Variants in STAT5B observed in about 807,000 individuals in gnomAD.
STAT5B encodes signal transducer and activator of transcription 5B, also known as transcription factor STAT5B.
In STAT5B, 21 loss-of-function variants were observed where a neutral mutation model predicts 107.8. The observed-to-expected ratio is 0.19, with a 90% CI of 0.14 to 0.28. The LOEUF (loss-of-function observed/expected upper bound fraction) is 0.28, where lower values mean the gene tolerates loss of function less well. Ranked by LOEUF, STAT5B falls within the 10% of genes least tolerant of loss-of-function variation. STAT5B has a pLI of 1.00. For synonymous variants in STAT5B, 325 were observed against 401.7 expected (o/e 0.81, Z 2.28); for missense variants, 565 against 1,008.2 (o/e 0.56, Z 5.95).
intron 1 of STAT5B, among the ~76,000 whole-genome samples, chr17:42,240,999 A>G (rs900567495): frequency 3.9e-5 from 6 of 152,162 alleles, no homozygotes; most frequent in Non-Finnish European, 8.8e-5. Flanking sequence ...AAAACTGTTA[A>G]ACCTATCAGC....
upstream of STAT5B, among the ~76,000 whole-genome samples, chr17:42,279,748 C>T (rs2080788059): frequency 6.6e-6 from 1 of 151,502 alleles, no homozygotes; most frequent in Non-Finnish European, 1.5e-5. Context: ...TTGCGGTGAG[C>T]CAAAATCACA....
chr17:42,226,879 C>T (rs1415309532), intron 3 of STAT5B, among the ~76,000 whole-genome samples: 1 of 148,558 alleles, frequency 6.7e-6, no homozygotes, highest in Non-Finnish European at 1.5e-5. Flanking sequence ...AATTTCAACA[C>T]TTTGGGAGGC....
chr17:42,258,918 G>T (rs1240133161), intron 1 of STAT5B, among the ~76,000 whole-genome samples: 2 of 152,064 alleles, frequency 1.3e-5, no homozygotes, highest in Non-Finnish European at 2.9e-5. Context: ...AAACTGGGGG[G>T]AACTCTCTTT....
At chr17:42,247,931 G>A (rs569454747) in intron 1 of STAT5B, among the ~76,000 whole-genome samples, 54 of 150,044 alleles carry the variant, frequency 3.6e-4, no homozygotes, top group African/African-American at 1.3e-3. Flanking sequence ...CCAGATGGAT[G>A]ACAGAGCCAG....
chr17:42,246,279 C>T (rs1478843242), intron 1 of STAT5B, among the ~76,000 whole-genome samples: 1 of 151,920 alleles, frequency 6.6e-6, no homozygotes, highest in African/African-American at 2.4e-5. Context: ...CACTGTCTTA[C>T]CTGGGCAGCC....
intron 7 of STAT5B, 88 bp from the exon 8 acceptor site, chr17:42,218,966 A>C: frequency 2.5e-6 from 4 of 1,605,410 alleles, no homozygotes; most frequent in Non-Finnish European, 3.4e-6. Flanking sequence ...TTCCCCCAGG[A>C]AGGCTCTGTG....
upstream of STAT5B, chr17:42,276,674 C>G (rs911440504): frequency 1.3e-5 from 2 of 152,008 alleles, no homozygotes; most frequent in African/African-American, 2.4e-5. The surrounding 1 kb of genome is among the most constrained non-coding windows in gnomAD (Gnocchi z 4.8). Context: ...GCTCCCTAGC[C>G]GACGCCGCAC....
rs930427565 is a variant in STAT5B at position 42,199,627 on chromosome 17, A to T, written c.*2111T>A. 32 of 152,052 alleles carry T rather than the reference A, an allele frequency of 2.1e-4. No homozygotes were observed. Among genetic ancestry groups the T allele is most frequent in the African/African-American group, 7.7e-4 (32 of 41,310 alleles). 9.4% of individuals were successfully genotyped at this position (152,052 alleles called of 1,614,324 possible). ...AGCACACCTTTCATCAAAAATCTCCACTCTCTAGGCACAGCCTCGGTAACA... is the reference window on the plus strand; with the variant it reads ...AGCACACCTTTCATCAAAAATCTCCTCTCTCTAGGCACAGCCTCGGTAACA... On this transcript the variant is annotated 3_prime_UTR_variant, in exon 19 of 19. Coordinates refer to ENST00000293328, the MANE Select transcript of STAT5B (RefSeq NM_012448.4).
chr17:42,222,456 G>A (rs1353576727), intron 5 of STAT5B, among the ~76,000 whole-genome samples: 1 of 152,144 alleles, frequency 6.6e-6, no homozygotes, highest in African/African-American at 2.4e-5. Context: ...AGTGTACTCT[G>A]TTTCAGGAAG....
chr17:42,218,410 G>A (rs2080192688), intron 8 of STAT5B, 80 bp from the exon 9 acceptor site: 2 of 1,563,052 alleles, frequency 1.3e-6, no homozygotes, highest in Admixed American at 1.8e-5. Context: ...TGGTGGGGGT[G>A]GGGCTGCCTC....
At position 42,218,207 on chromosome 17, in the gene STAT5B, G is replaced by A. The variant is rs766426761; in HGVS notation, c.1113C>T (p.Ala371=). Residue 371 remains alanine, a synonymous_variant, in exon 9 of 19, where the codon GCC becomes GCT. Coordinates refer to ENST00000293328, the MANE Select transcript of STAT5B (RefSeq NM_012448.4). ...NVHMNPPQVK[A]TIISEQQAKS... ...TGGCCTGCTGCTCACTGATGATGGT[G>A]GCCTTCACCTGGGGGGGGTTCATGT... The A allele has an allele frequency of 3.7e-6, 6 of 1,614,178 alleles. No individual in the cohort carries two copies. The highest frequency in any genetic ancestry group is 5.1e-6 in the Non-Finnish European group (6 of 1,180,032).
intron 1 of STAT5B, among the ~76,000 whole-genome samples, chr17:42,249,739 C>G (rs2080482302): frequency 6.6e-6 from 1 of 152,138 alleles, no homozygotes; most frequent in Admixed American, 6.5e-5. Flanking sequence ...CAGCTCCCTG[C>G]AACCTCTGCC....
In STAT5B at chr17:42,201,035, G is replaced by A. The variant is rs1357175669; in HGVS notation, c.*703C>T. 5.0e-6 allele frequency: 2 copies of A among 401,670 alleles called. No individual in the cohort carries two copies. The highest frequency in any genetic ancestry group is 2.1e-5 in the African/African-American group (1 of 48,626). 24.9% of individuals were successfully genotyped at this position (401,670 alleles called of 1,614,324 possible). A position where few individuals can be genotyped will look rare whatever the true frequency, so the allele number is the denominator to read the frequency against. The stretch of plus-strand genomic sequence containing the variant: ...GAACTGAGTGGCAATTCCAGGGTGC[G>A]GGCGGGCAGGAGGGGAGAGAGGACA... On this transcript the variant is annotated 3_prime_UTR_variant, in exon 19 of 19. Transcript: ENST00000293328.
chr17:42,213,639 T>C (rs563889112), intron 12 of STAT5B, among the ~76,000 whole-genome samples: 1 of 152,052 alleles, frequency 6.6e-6, no homozygotes, highest in East Asian at 1.9e-4. Context: ...GCAATTCTCC[T>C]GCCTCAGCCT....
intron 2 of STAT5B, among the ~76,000 whole-genome samples, chr17:42,229,757 G>C (rs975764533): frequency 2.6e-5 from 4 of 151,688 alleles, no homozygotes; most frequent in Non-Finnish European, 4.4e-5. Context: ...TGCAGTCCCA[G>C]CTACTCGGGA....
intron 1 of STAT5B, among the ~76,000 whole-genome samples, chr17:42,248,555 C>T (rs1179272307): frequency 7.1e-6 from 1 of 141,460 alleles, no homozygotes; most frequent in African/African-American, 2.6e-5. Flanking sequence ...GGTAACAGAC[C>T]GTCTCTCACT....
In STAT5B at chr17:42,251,998, C is replaced by CAA. The variant is rs78151719; in HGVS notation, c.-10-19863_-10-19862dup. ...TGGGTGACAGAGCAAGGCTCCGTCT[C>CAA]AAAAAAAAAAAAAAAGAAAAAAAGA... On this transcript the variant is annotated intron_variant, in intron 1 of 18. Coordinates refer to ENST00000293328, the MANE Select transcript of STAT5B (RefSeq NM_012448.4). Among the ~76,000 whole-genome samples, 661 of 69,376 alleles carry CAA rather than the reference C, an allele frequency of 9.5e-3. 6 individuals carry two copies. The highest frequency in any genetic ancestry group is 0.028 in the African/African-American group (615 of 22,340). 45.5% of individuals were successfully genotyped at this position (69,376 alleles called of 152,430 possible). A position where few individuals can be genotyped will look rare whatever the true frequency, so the allele number is the denominator to read the frequency against.
chr17:42,259,617 T>C (rs987455926), intron 1 of STAT5B, among the ~76,000 whole-genome samples: 1 of 152,074 alleles, frequency 6.6e-6, no homozygotes, highest in African/African-American at 2.4e-5. Context: ...CGAAACCCCG[T>C]ATCTACTAAA....
At chr17:42,279,168 A>G (rs2080784773), upstream of STAT5B, among the ~76,000 whole-genome samples, 1 of 150,394 alleles carries the variant, frequency 6.6e-6, no homozygotes, top group South Asian at 2.1e-4. Context: ...TGGGCGACAG[A>G]GTGAGACCTG....
Sources: gnomAD v4.1 joint callset for allele counts (sites outside exome capture counted in the v4.1 genomes callset) on GRCh38, gnomAD v4.1.1 for gene constraint, Gnocchi (gnomAD v3.1) non-coding constraint, MANE v1.5 for transcripts, NCBI Gene and HGNC (gene_info 2026-07-23, HGNC 2026-07-21) for gene names.